PLSCR5: variants seen among roughly 807,000 people sequenced by gnomAD.
PLSCR5 encodes phospholipid scramblase family, member 5.
In PLSCR5, 44 loss-of-function variants were observed where a neutral mutation model predicts 33.6. The observed-to-expected ratio is 1.31, with a 90% CI of 1.03 to 1.69. The LOEUF is 1.69. PLSCR5 is among the 40% of genes most tolerant of loss of function. PLSCR5 has a pLI of 0.00. For synonymous variants in PLSCR5, 148 were observed against 112.3 expected (o/e 1.32, Z -2.01); for missense variants, 375 against 318.7 (o/e 1.18, Z -1.34).
chr3:146,600,254 G>T, intron 2 of PLSCR5, 34 bp downstream of exon 2: 2 of 1,396,880 alleles, frequency 1.4e-6, no homozygotes, highest in South Asian at 1.8e-5. Context: ...TTTAAGGGTA[G>T]AACATATCTG....
chr3:146,593,790 A>G, intron 4 of PLSCR5, 130 bp downstream of exon 4: 1 of 843,228 alleles, frequency 1.2e-6, no homozygotes, highest in East Asian at 2.7e-5. Context: ...CTGATCCTAA[A>G]GGAGCAACAT....
chr3:146,601,838 T>C (rs2044818642), intron 1 of PLSCR5, among the ~76,000 whole-genome samples: 1 of 152,116 alleles, frequency 6.6e-6, no homozygotes, highest in South Asian at 2.1e-4. Context: ...TGGGTTTCCT[T>C]TGGTGATAGT....
rs768953993 is a variant in PLSCR5, at chr3:146,589,669, C to T, written c.761G>A (p.Gly254Asp). 1.4e-5 allele frequency: 22 copies of T among 1,588,004 alleles called. No homozygotes were observed. The highest frequency in any genetic ancestry group is 1.9e-5 in the Non-Finnish European group (22 of 1,163,394). The change falls in exon 6 of 8, where the codon GGT (glycine) becomes GAT (aspartate). Residue 254 changes from glycine (G) to aspartate (D), a missense_variant. Physicochemically the swap from Gly to Asp is moderately conservative, Grantham distance 94 (BLOSUM62 -1). Transcript: ENST00000443512. ...LDVTVKAAMI[G>D]ACFLFDFMFF... Reference sequence around the variant, plus strand: ...CATACTTACAAAGAGAAAACAGGCACCGATCATTGCTGCTTTGACTGTTAC... The same window carrying T: ...CATACTTACAAAGAGAAAACAGGCATCGATCATTGCTGCTTTGACTGTTAC...
chr3:146,586,876 A>C (rs2044670090), intron 6 of PLSCR5, among the ~76,000 whole-genome samples: 2 of 152,242 alleles, frequency 1.3e-5, no homozygotes, highest in Non-Finnish European at 2.9e-5. Context: ...ATTATGTATA[A>C]GGAAAGTAAT....
chr3:146,582,984 T>A (rs1576815585), downstream of PLSCR5, among the ~76,000 whole-genome samples: 3 of 152,102 alleles, frequency 2.0e-5, no homozygotes, highest in South Asian at 6.3e-4. Context: ...GAAGACCATT[T>A]TCCACACCCC....
downstream of PLSCR5, among the ~76,000 whole-genome samples, chr3:146,580,969 G>T (rs930738690): frequency 3.3e-5 from 5 of 152,024 alleles, 1 homozygote; most frequent in Admixed American, 3.3e-4. Context: ...ACAATCAAAC[G>T]AGTAACAATC....
At chr3:146,579,132 A>G (rs1200293064) in intron 7 of PLSCR5, among the ~76,000 whole-genome samples, 1 of 152,134 alleles carries the variant, frequency 6.6e-6, no homozygotes, top group Non-Finnish European at 1.5e-5. Context: ...AATGGCAAAA[A>G]TTTCACAGCA....
chr3:146,596,106 T>A (rs1192127632), intron 2 of PLSCR5, among the ~76,000 whole-genome samples: 1 of 152,158 alleles, frequency 6.6e-6, no homozygotes, highest in African/African-American at 2.4e-5. Context: ...GAAATGATGA[T>A]TAAATTAAAA....
chr3:146,601,151 A>C (rs2107859731), intron 1 of PLSCR5, among the ~76,000 whole-genome samples: 1 of 151,854 alleles, frequency 6.6e-6, no homozygotes, highest in East Asian at 1.9e-4. Context: ...TATTATTGCC[A>C]GGTAAATATG....
At chr3:146,581,115 T>C (rs1386120884), downstream of PLSCR5, among the ~76,000 whole-genome samples, 1 of 152,216 alleles carries the variant, frequency 6.6e-6, no homozygotes, top group Non-Finnish European at 1.5e-5. Context: ...GTCCAGTGAA[T>C]AGATTCCTAA....
intron 1 of PLSCR5, among the ~76,000 whole-genome samples, 162 bp from the exon 2 acceptor site, chr3:146,600,625 G>A (rs2044805260): frequency 6.6e-6 from 1 of 151,510 alleles, no homozygotes; most frequent in South Asian, 2.1e-4. Context: ...ATTATTACTT[G>A]TCCCCTAAGT....
chr3:146,598,589 G>T (rs1254370818), intron 2 of PLSCR5, among the ~76,000 whole-genome samples: 1 of 152,186 alleles, frequency 6.6e-6, no homozygotes, highest in East Asian at 1.9e-4. Flanking sequence ...TTCATGTCAA[G>T]CATCTGGCTC....
chr3:146,584,751 G>A (rs2044655470), downstream of PLSCR5, among the ~76,000 whole-genome samples: 3 of 152,024 alleles, frequency 2.0e-5, no homozygotes, highest in Non-Finnish European at 2.9e-5. Context: ...CCAGAGCCTA[G>A]AACTAAATTG....
rs557340930 is a variant in PLSCR5 at position 146,603,788 on chromosome 3, C to A, written c.13+1412G>T. Among the ~76,000 whole-genome samples the A allele has an allele frequency of 9.9e-5, 15 of 152,086 alleles. 1 individual carries two copies. The highest frequency in any genetic ancestry group is 3.6e-4 in the African/African-American group (15 of 41,516). ...TTATAAAGTGATGAAGTATTTTGGACTAAATAGTAGTGTCAGTCTTAAATG... is the reference window on the plus strand; with the variant it reads ...TTATAAAGTGATGAAGTATTTTGGAATAAATAGTAGTGTCAGTCTTAAATG... On this transcript the variant is annotated intron_variant, in intron 1 of 7. Transcript: ENST00000443512.
chr3:146,578,640 G>A (rs1318716855), intron 7 of PLSCR5, among the ~76,000 whole-genome samples: 1 of 151,990 alleles, frequency 6.6e-6, no homozygotes, highest in Non-Finnish European at 1.5e-5. Flanking sequence ...GGCTTATAAT[G>A]TGTGGCACTG....
intron 6 of PLSCR5, among the ~76,000 whole-genome samples, chr3:146,589,359 T>A (rs765269824): frequency 1.3e-5 from 2 of 151,648 alleles, no homozygotes; most frequent in Non-Finnish European, 2.9e-5. Context: ...AAGCCAAAAA[T>A]CTAAATTGAA....
chr3:146,595,021 AAT>A lies in PLSCR5; in HGVS notation c.232+18_232+19del. On this transcript the variant is annotated intron_variant, in intron 3 of 7. Coordinates refer to ENST00000443512, the MANE Select transcript of PLSCR5 (RefSeq NM_001085420.2). ...TTTTCAATAGTTTTAATAAATATGT[AAT>A]ATATATAATGCACTTACTTCCAAGC... The A allele has an allele frequency of 7.5e-7, 1 of 1,336,026 alleles. No individual in the cohort carries two copies. The highest frequency in any genetic ancestry group is 9.9e-7 in the Non-Finnish European group (1 of 1,012,254). 82.8% of individuals were successfully genotyped at this position (1,336,026 alleles called of 1,614,324 possible).
At chr3:146,576,935 A>G (rs57564033) in intron 7 of PLSCR5, among the ~76,000 whole-genome samples, 11,599 of 152,054 alleles carry the variant, frequency 0.076, 483 homozygotes, top group East Asian at 0.16. Context: ...CTATTTTGTC[A>G]GCATTAGAAA....
chr3:146,585,654 CA>C (rs57812311), downstream of PLSCR5, among the ~76,000 whole-genome samples: 39,558 of 151,850 alleles, frequency 0.26, 5,161 homozygotes, highest in African/African-American at 0.27. Flanking sequence ...AGAAAAACTT[CA>C]AAAGTGTTCT....
Sources: gnomAD v4.1 joint callset for allele counts (sites outside exome capture counted in the v4.1 genomes callset) on GRCh38, gnomAD v4.1.1 for gene constraint, MANE v1.5 for transcripts, NCBI Gene and HGNC (gene_info 2026-07-23, HGNC 2026-07-21) for gene names.